CWF19L2: variants seen among roughly 807,000 people sequenced by gnomAD.
CWF19L2 encodes the protein CWF19 like cell cycle control factor 2.
Under a neutral mutation model 111.7 loss-of-function variants are expected in CWF19L2, and 98 were observed. The ratio of observed to expected loss-of-function variants is 0.88; its 90% CI spans 0.75 to 1.04. The LOEUF is 1.04. Ranked by LOEUF, CWF19L2 falls within the 50% of genes least tolerant of loss-of-function variation. The probability of loss-of-function intolerance (pLI) is 0.00; values close to 1 mark genes in which losing one functional copy is unlikely to be tolerated. For synonymous variants in CWF19L2, 351 were observed against 342.9 expected, an observed-to-expected ratio of 1.02 and a Z score of -0.26; for missense variants, 1,101 against 1,051.4, an observed-to-expected ratio of 1.05 and a Z score of -0.65.
intron 12 of CWF19L2, among the ~76,000 whole-genome samples, chr11:107,381,762 A>G (rs1379108032): frequency 6.6e-6 from 1 of 152,190 alleles, no homozygotes; most frequent in East Asian, 1.9e-4. Context: ...TTTCAAGTGT[A>G]TATTATTAGA....
At chr11:107,349,205 T>C (rs1860124185) in intron 13 of CWF19L2, among the ~76,000 whole-genome samples, 152 bp from the exon 14 acceptor site, 1 of 152,198 alleles carries the variant, frequency 6.6e-6, no homozygotes, top group Non-Finnish European at 1.5e-5. Context: ...GAATTGCTTT[T>C]GCAAATGTTA....
chr11:107,453,802 G>A (rs1402737787), intron 3 of CWF19L2, among the ~76,000 whole-genome samples: 4 of 151,986 alleles, frequency 2.6e-5, no homozygotes, highest in Non-Finnish European at 4.4e-5. Context: ...CCACTGCCCT[G>A]AAGGGTGAGT....
chr11:107,442,731 AAAGAAAGGAAGGAAGG>A (rs1565287100), intron 4 of CWF19L2, among the ~76,000 whole-genome samples, 192 bp downstream of exon 4: 15 of 106,142 alleles, frequency 1.4e-4, no homozygotes, highest in African/African-American at 2.6e-4. Flanking sequence ...AAAGAGAAAG[AAAGAAAGGAAGGAAGG>A]AAGGAAGGAA....
At position 107,360,572 on chromosome 11, in the gene CWF19L2, T is replaced by C. The variant is rs188958950; in HGVS notation, c.1873-6836A>G. 5.6e-3 allele frequency among the ~76,000 whole-genome samples: 850 copies of C among 152,296 alleles called. 5 individuals are homozygous for C. Among genetic ancestry groups the C allele is most frequent in the Non-Finnish European group, 9.4e-3 (637 of 68,014 alleles). ...TGAGAAATCTCCATACCGTTTTCCATAGAGGCCGTACCAATTTACATTCCC... is the reference window on the plus strand; with the variant it reads ...TGAGAAATCTCCATACCGTTTTCCACAGAGGCCGTACCAATTTACATTCCC... On this transcript the variant is annotated intron_variant, in intron 12 of 17. Transcript: ENST00000282251.
Position 107,429,414 on chromosome 11 carries a change from T to C in CWF19L2, c.818A>G (p.Glu273Gly). Residue 273 changes from glutamate to glycine, a missense_variant, in exon 8 of 18, where the codon GAA becomes GGA. By Grantham distance (98) the Glu-to-Gly change is moderately conservative (BLOSUM62 -2). Coordinates refer to ENST00000282251, the MANE Select transcript of CWF19L2 (RefSeq NM_152434.3). Reference sequence around the variant, plus strand: ...ATCTTCTTTCGTGGATGCAGCTTTTTCAGCATCTTCTAATTTTGACTGAAA... The same window carrying C: ...ATCTTCTTTCGTGGATGCAGCTTTTCCAGCATCTTCTAATTTTGACTGAAA... ...EIFQSKLEDA[E>G]KAASTKEDYR... 6.4e-7 allele frequency: 1 copy of C among 1,566,214 alleles called. No individual in the cohort carries two copies. The highest frequency in any genetic ancestry group is 1.4e-5 in the African/African-American group (1 of 73,540).
At chr11:107,447,305 A>C (rs1369295505) in intron 3 of CWF19L2, among the ~76,000 whole-genome samples, 2 of 152,208 alleles carry the variant, frequency 1.3e-5, no homozygotes, top group Non-Finnish European at 2.9e-5. Context: ...AGTTACACAG[A>C]GAAAGGGTGC....
intron 8 of CWF19L2, among the ~76,000 whole-genome samples, chr11:107,428,427 G>T (rs1861410961): frequency 6.6e-6 from 1 of 151,910 alleles, no homozygotes; most frequent in Admixed American, 6.6e-5. Flanking sequence ...CAGTATTTAT[G>T]ATTATGATTA....
chr11:107,407,313 G>GT (rs1223523239), intron 10 of CWF19L2, among the ~76,000 whole-genome samples: 1 of 150,412 alleles, frequency 6.6e-6, no homozygotes. Context: ...CCTTGGGTTT[G>GT]TTTTTTTTCC....
chr11:107,411,811 T>C (rs1861160556), intron 10 of CWF19L2, among the ~76,000 whole-genome samples: 1 of 152,110 alleles, frequency 6.6e-6, no homozygotes, highest in African/African-American at 2.4e-5. Context: ...CAAAGTAAAA[T>C]AGAAGAGTAC....
intron 12 of CWF19L2, among the ~76,000 whole-genome samples, chr11:107,367,934 C>G (rs1342712043): frequency 7.3e-6 from 1 of 136,882 alleles, no homozygotes; most frequent in Non-Finnish European, 1.6e-5. Context: ...ATACCCAAAC[C>G]AGTGAGATAT....
chr11:107,432,890 G>T (rs968287872), intron 7 of CWF19L2, among the ~76,000 whole-genome samples: 16 of 151,792 alleles, frequency 1.1e-4, no homozygotes, highest in Non-Finnish European at 7.4e-5. Context: ...ATCTAACAAG[G>T]GAAAGGAAAA....
Position 107,453,084 on chromosome 11 carries a change from A to C in CWF19L2, c.339+1366T>G, listed in dbSNP as rs1049000731. Among the ~76,000 whole-genome samples the C allele has an allele frequency of 2.6e-5, 4 of 152,362 alleles. No homozygotes were observed. In the East Asian group the frequency reaches 7.7e-4, roughly 29 times the overall value. Reference sequence around the variant, plus strand: ...ATACCAGAAGCACTAAGAAAAAATGATGAAAAACAAAAAAGAAAATATTTA... The same window carrying C: ...ATACCAGAAGCACTAAGAAAAAATGCTGAAAAACAAAAAAGAAAATATTTA... On this transcript the variant is annotated intron_variant, in intron 3 of 17. Transcript: ENST00000282251.
intron 12 of CWF19L2, among the ~76,000 whole-genome samples, chr11:107,368,050 A>G (rs1053995574): frequency 1.5e-5 from 2 of 136,686 alleles, no homozygotes; most frequent in Admixed American, 1.4e-4. Flanking sequence ...AAGAAACTAG[A>G]GAAGCAAGAA....
chr11:107,354,481 C>T (rs939438267), intron 12 of CWF19L2, among the ~76,000 whole-genome samples: 2 of 152,092 alleles, frequency 1.3e-5, no homozygotes, highest in Non-Finnish European at 2.9e-5. Context: ...ATCCCTTATC[C>T]AAATGCTTGG....
At chr11:107,345,566 T>C (rs1179629087) in intron 14 of CWF19L2, 1 of 438,426 alleles carries the variant, frequency 2.3e-6, no homozygotes. Context: ...TAAAATAGTG[T>C]TGCAAGAATG....
chr11:107,415,705 T>C (rs138383712), intron 10 of CWF19L2, among the ~76,000 whole-genome samples: 429 of 152,264 alleles, frequency 2.8e-3, no homozygotes, highest in African/African-American at 9.4e-3. Context: ...AGCACACTGA[T>C]AGAATGTAAG....
At chr11:107,392,607 A>G (rs1000659885) in intron 11 of CWF19L2, among the ~76,000 whole-genome samples, 172 bp downstream of exon 11, 3 of 152,218 alleles carry the variant, frequency 2.0e-5, no homozygotes, top group Non-Finnish European at 4.4e-5. Flanking sequence ...CATTCTGTAA[A>G]AGGCAAAGAG....
At chr11:107,337,565 T>A (rs1859946437) in intron 14 of CWF19L2, among the ~76,000 whole-genome samples, 1 of 152,112 alleles carries the variant, frequency 6.6e-6, no homozygotes, top group African/African-American at 2.4e-5. Flanking sequence ...GAAGGCTGGA[T>A]GCCAGAGCCC....
chr11:107,378,037 C>A (rs1282697123), intron 12 of CWF19L2, among the ~76,000 whole-genome samples: 1 of 151,692 alleles, frequency 6.6e-6, no homozygotes, highest in Non-Finnish European at 1.5e-5. Flanking sequence ...CACTGGCCAT[C>A]AGAGAAATGC....
Sources: allele counts gnomAD v4.1 joint callset (sites outside exome capture counted in the v4.1 genomes callset), GRCh38; gene constraint gnomAD v4.1.1; transcripts MANE v1.5; gene names NCBI Gene and HGNC (gene_info 2026-07-23, HGNC 2026-07-21).